Variants in CDK17 observed in about 807,000 individuals in gnomAD.
The protein encoded by CDK17 is cyclin-dependent kinase 17.
Under a neutral mutation model 77.6 loss-of-function variants are expected in CDK17, and 24 were observed. The observed-to-expected ratio is 0.31, with a 90% confidence interval of 0.22 to 0.44. The LOEUF is 0.44. Among genes scored for constraint, CDK17 ranks in the 20% least tolerant of loss-of-function variants. The probability of loss-of-function intolerance (pLI) is 1.00; values close to 1 mark genes in which losing one functional copy is unlikely to be tolerated. For synonymous variants in CDK17, 203 were observed against 210.4 expected (o/e 0.96, Z 0.30); for missense variants, 429 against 622.5 (o/e 0.69, Z 3.31).
At chr12:96,320,577 C>A (rs1163611007) in intron 3 of CDK17, among the ~76,000 whole-genome samples, 5 of 149,888 alleles carry the variant, frequency 3.3e-5, no homozygotes, top group Admixed American at 6.7e-5. Context: ...GCTACAGTAA[C>A]CAAAACAGCA....
intron 1 of CDK17, among the ~76,000 whole-genome samples, chr12:96,377,164 T>C (rs975097912): frequency 1.3e-5 from 2 of 152,200 alleles, no homozygotes; most frequent in Admixed American, 1.3e-4. Flanking sequence ...ATCCAAATTT[T>C]AAAATCCAAA....
rs115244308 is a variant in CDK17 at position 96,378,889 on chromosome 12, A to G, written c.-30+21097T>C. ...CACTGGAAGGATAAACAGGATACCA[A>G]AAAGTGTGGAAGGAAAATAAAGTAG... On this transcript the variant is annotated intron_variant, in intron 1 of 16. Coordinates refer to ENST00000261211, the MANE Select transcript of CDK17 (RefSeq NM_002595.5). Among the ~76,000 whole-genome samples, 1,439 of 152,346 alleles carry G rather than the reference A, an allele frequency of 9.4e-3. 13 individuals carry two copies. Among genetic ancestry groups the G allele is most frequent in the African/African-American group, 0.033 (1,359 of 41,586 alleles).
intron 5 of CDK17, among the ~76,000 whole-genome samples, chr12:96,302,612 G>A (rs1227104890): frequency 6.6e-6 from 1 of 152,094 alleles, no homozygotes; most frequent in African/African-American, 2.4e-5. Context: ...ACAATGAGAA[G>A]CACACGGGAA....
chr12:96,361,809 T>C (rs939823218), intron 1 of CDK17, among the ~76,000 whole-genome samples: 5 of 152,240 alleles, frequency 3.3e-5, no homozygotes, highest in Admixed American at 6.5e-5. Context: ...TTGGCATTTA[T>C]GTGAAAACTT....
intron 1 of CDK17, among the ~76,000 whole-genome samples, chr12:96,390,081 G>C (rs1289715257): frequency 1.3e-5 from 2 of 151,694 alleles, no homozygotes; most frequent in Non-Finnish European, 2.9e-5. Context: ...GCCTGCCTCA[G>C]CCTCCCAAAG....
intron 1 of CDK17, among the ~76,000 whole-genome samples, chr12:96,342,550 A>C (rs2137156870): frequency 6.6e-6 from 1 of 152,192 alleles, no homozygotes; most frequent in South Asian, 2.1e-4. Context: ...TGACAGAGCA[A>C]GATGCCATGT....
intron 1 of CDK17, among the ~76,000 whole-genome samples, chr12:96,396,090 A>C (rs192905430): frequency 2.0e-5 from 3 of 152,316 alleles, no homozygotes; most frequent in African/African-American, 7.2e-5. Context: ...ACATCCTCAA[A>C]CAGTATTCAG....
rs73366530 is a variant in CDK17, at chr12:96,329,402, T to C, written c.119-5290A>G. On this transcript the variant is annotated intron_variant, in intron 2 of 16. Coordinates refer to ENST00000261211, the MANE Select transcript of CDK17 (RefSeq NM_002595.5). ...CCAAGTAAGGATTTCCAATGATTTTTACCACCACAACATGATAATCATTAT... is the reference window on the plus strand; with the variant it reads ...CCAAGTAAGGATTTCCAATGATTTTCACCACCACAACATGATAATCATTAT... Among the ~76,000 whole-genome samples, 1,021 of 152,330 alleles carry C rather than the reference T, an allele frequency of 6.7e-3. 12 individuals are homozygous for C. The highest frequency in any genetic ancestry group is 0.022 in the African/African-American group (927 of 41,588).
Position 96,346,433 on chromosome 12 carries a change from C to T in CDK17, c.-29-11568G>A, listed in dbSNP as rs1953211915. On this transcript the variant is annotated intron_variant, in intron 1 of 16. Coordinates refer to ENST00000261211, the MANE Select transcript of CDK17 (RefSeq NM_002595.5). ...TGCCACTGCACTCCAGCCTGGGTGA[C>T]AGAGTGAGACTCTATCTCAAAAAAT... Among the ~76,000 whole-genome samples, 3 of 147,098 alleles carry T rather than the reference C, an allele frequency of 2.0e-5. No homozygotes were observed. In the South Asian group the frequency reaches 6.6e-4, roughly 32 times the overall value.
At chr12:96,367,943 T>C (rs1183159130) in intron 1 of CDK17, among the ~76,000 whole-genome samples, 1 of 151,772 alleles carries the variant, frequency 6.6e-6, no homozygotes, top group African/African-American at 2.4e-5. Flanking sequence ...AAAGCATGCA[T>C]TTAAAAACGT....
chr12:96,293,154 AAAC>A (rs1952349721), intron 10 of CDK17, among the ~76,000 whole-genome samples: 1 of 152,222 alleles, frequency 6.6e-6, no homozygotes, highest in Non-Finnish European at 1.5e-5. Flanking sequence ...TTTTTTATAA[AAAC>A]AAAACAGTAA....
chr12:96,350,737 C>T (rs1222746723), intron 1 of CDK17, among the ~76,000 whole-genome samples: 3 of 151,958 alleles, frequency 2.0e-5, no homozygotes, highest in Non-Finnish European at 4.4e-5. Context: ...GAATCAAAGG[C>T]CTAAATATAA....
intron 1 of CDK17, among the ~76,000 whole-genome samples, chr12:96,349,880 CCA>C (rs1953285370): frequency 6.6e-6 from 1 of 152,030 alleles, no homozygotes; most frequent in Admixed American, 6.6e-5. Flanking sequence ...CTTAAAGAAT[CCA>C]CAAATAAAAC....
intron 4 of CDK17, among the ~76,000 whole-genome samples, chr12:96,312,467 TTG>T (rs1441913977): frequency 6.6e-6 from 1 of 152,162 alleles, no homozygotes; most frequent in Non-Finnish European, 1.5e-5. Context: ...TTCATTAGTA[TTG>T]TGTCACATAA....
intron 2 of CDK17, among the ~76,000 whole-genome samples, chr12:96,325,719 T>C (rs1384613324): frequency 1.3e-5 from 2 of 152,214 alleles, no homozygotes; most frequent in Non-Finnish European, 2.9e-5. Flanking sequence ...GTACATTCCC[T>C]GGCAGTACCT....
At chr12:96,386,374 C>A (rs569292909) in intron 1 of CDK17, among the ~76,000 whole-genome samples, 2 of 152,140 alleles carry the variant, frequency 1.3e-5, no homozygotes, top group Non-Finnish European at 2.9e-5. Context: ...ACTGGCCAGA[C>A]ACAGAGGCAC....
chr12:96,396,066 A>G (rs1351593060), intron 1 of CDK17, among the ~76,000 whole-genome samples: 1 of 152,270 alleles, frequency 6.6e-6, no homozygotes, highest in African/African-American at 2.4e-5. Flanking sequence ...AATATGCCAT[A>G]GATCTGTAAA....
At chr12:96,282,221 T>C in intron 15 of CDK17, 1 of 278,912 alleles carries the variant, frequency 3.6e-6, no homozygotes, top group Non-Finnish European at 6.6e-6. Context: ...CTAGGGACAA[T>C]GCCTGTCATC....
chr12:96,317,323 T>C (rs1436301762), intron 3 of CDK17, among the ~76,000 whole-genome samples: 13 of 126,944 alleles, frequency 1.0e-4, no homozygotes, highest in African/African-American at 3.5e-4. Flanking sequence ...TACGTCTGAT[T>C]GGTGTACCTG....
Sources: gnomAD v4.1 joint callset for allele counts (sites outside exome capture counted in the v4.1 genomes callset) on GRCh38, gnomAD v4.1.1 for gene constraint, MANE v1.5 for transcripts, NCBI Gene and HGNC (gene_info 2026-07-23, HGNC 2026-07-21) for gene names.